IFRD1: variants seen among roughly 807,000 people sequenced by gnomAD.
The protein encoded by IFRD1 is interferon-related developmental regulator 1.
A neutral mutation model predicts 52.9 loss-of-function variants in IFRD1; 35 were observed. That is an observed-to-expected ratio of 0.66 (90% CI 0.51 to 0.88). IFRD1 has a LOEUF of 0.88. Among genes scored for constraint, IFRD1 ranks in the 40% least tolerant of loss-of-function variants. The pLI, the probability that IFRD1 is intolerant of heterozygous loss-of-function variation, is 0.00. For missense variants in IFRD1, 517 were observed against 550.8 expected (o/e 0.94, Z 0.61); for synonymous variants, 184 against 188.4 (o/e 0.98, Z 0.19).
intron 1 of IFRD1, among the ~76,000 whole-genome samples, chr7:112,436,023 C>T (rs1004666879): frequency 1.3e-5 from 2 of 151,930 alleles, no homozygotes; most frequent in Non-Finnish European, 2.9e-5. Context: ...GCTGGGATTA[C>T]AGGCGTGCGC....
chr7:112,451,971 G>A, intron 1 of IFRD1: 1 of 979,626 alleles, frequency 1.0e-6, no homozygotes, highest in Non-Finnish European at 1.2e-6. Context: ...TCAAAAACTC[G>A]TGATCATGTA....
chr7:112,458,157 T>G (rs924642839), intron 4 of IFRD1: 2 of 152,182 alleles, frequency 1.3e-5, no homozygotes, highest in Non-Finnish European at 2.9e-5. Flanking sequence ...AGTTTGCGTA[T>G]TTTTTACATT....
At chr7:112,459,131 G>C in intron 5 of IFRD1, 113 bp downstream of exon 5, 1 of 915,438 alleles carries the variant, frequency 1.1e-6, no homozygotes, top group Non-Finnish European at 1.8e-6. Flanking sequence ...AGAGGATCTT[G>C]TAAGTCCAGG....
At chr7:112,428,474 T>G (rs897467974) in intron 1 of IFRD1, among the ~76,000 whole-genome samples, 1 of 152,080 alleles carries the variant, frequency 6.6e-6, no homozygotes, top group African/African-American at 2.4e-5. Flanking sequence ...GAATGAAGAA[T>G]GAAGAAATAA....
At chr7:112,464,387 T>C (rs912583680) in intron 8 of IFRD1, among the ~76,000 whole-genome samples, 5 of 136,900 alleles carry the variant, frequency 3.7e-5, no homozygotes, top group Non-Finnish European at 8.6e-5. Flanking sequence ...TTATGAGAGT[T>C]CTAGGTTAAT....
intron 11 of IFRD1, among the ~76,000 whole-genome samples, chr7:112,474,853 A>AG: frequency 6.6e-6 from 1 of 152,218 alleles, no homozygotes. Context: ...GGATGAAACA[A>AG]TGTTGATGTC....
chr7:112,434,847 A>G (rs1794633584), intron 1 of IFRD1, among the ~76,000 whole-genome samples: 1 of 152,226 alleles, frequency 6.6e-6, no homozygotes, highest in African/African-American at 2.4e-5. Flanking sequence ...ACACATACAA[A>G]TATTAATATA....
At chr7:112,448,184 A>G (rs1216046744), upstream of IFRD1, among the ~76,000 whole-genome samples, 1 of 151,898 alleles carries the variant, frequency 6.6e-6, no homozygotes, top group East Asian at 1.9e-4. Flanking sequence ...TAAAAAGAGG[A>G]AAAGATTTTT....
At chr7:112,436,867 G>A (rs955778838) in intron 1 of IFRD1, among the ~76,000 whole-genome samples, 11 of 152,188 alleles carry the variant, frequency 7.2e-5, no homozygotes, top group African/African-American at 2.7e-4. Flanking sequence ...TGTTCACCAA[G>A]TTTGGGGAAA....
intron 10 of IFRD1, 33 bp downstream of exon 10, chr7:112,472,380 A>C: frequency 6.2e-7 from 1 of 1,613,246 alleles, no homozygotes; most frequent in Non-Finnish European, 8.5e-7. Context: ...ATTTGCTTTT[A>C]AAGTAGGGAG....
In IFRD1 at chr7:112,450,795, C is replaced by T; in HGVS notation, c.94+13C>T. 1.9e-6 allele frequency: 3 copies of T among 1,596,292 alleles called. No individual in the cohort carries two copies. The highest frequency in any genetic ancestry group is 1.1e-5 in the South Asian group (1 of 90,656). On this transcript the variant is annotated intron_variant, in intron 1 of 11. Transcript: ENST00000403825. ...GCGGCGACAGCAGGTAAGGGGTATCCCCGCCGCCGGCATCCCAGTTGCCGG... is the reference window on the plus strand; with the variant it reads ...GCGGCGACAGCAGGTAAGGGGTATCTCCGCCGCCGGCATCCCAGTTGCCGG...
At chr7:112,473,029 CGTGTGTGTGTGTGTGT>C (rs74273594) in intron 11 of IFRD1, among the ~76,000 whole-genome samples, 168 bp downstream of exon 11, 5 of 115,256 alleles carry the variant, frequency 4.3e-5, no homozygotes, top group African/African-American at 1.6e-4. Flanking sequence ...GTGTGGGGGG[CGTGTGTGTGTGTGTGT>C]GTGTGTGTGT....
intron 8 of IFRD1, among the ~76,000 whole-genome samples, chr7:112,464,167 G>A (rs2117317022): frequency 6.6e-6 from 1 of 151,422 alleles, no homozygotes; most frequent in South Asian, 2.1e-4. Context: ...GGTTCATACA[G>A]CAAATGAGTT....
intron 1 of IFRD1, among the ~76,000 whole-genome samples, chr7:112,432,896 G>A (rs1407391450): frequency 6.6e-6 from 1 of 152,194 alleles, no homozygotes; most frequent in Non-Finnish European, 1.5e-5. Flanking sequence ...TTTAGTCTAA[G>A]GAGTCTTTGA....
chr7:112,458,776 C>T (rs1482385803), intron 4 of IFRD1, 85 bp from the exon 5 acceptor site: 35 of 1,265,968 alleles, frequency 2.8e-5, no homozygotes, highest in Non-Finnish European at 4.0e-5. Flanking sequence ...GCTATTTTGT[C>T]ATTGATCAAA....
rs753028238 is a variant in IFRD1, at chr7:112,476,693, T to C, written c.*1174T>C. 11 of 152,122 alleles carry C rather than the reference T, an allele frequency of 7.2e-5. No individual in the cohort carries two copies. The highest frequency in any genetic ancestry group is 3.9e-4 in the Admixed American group (6 of 15,282). 9.4% of individuals were successfully genotyped at this position (152,122 alleles called of 1,614,324 possible). A position where few individuals can be genotyped will look rare whatever the true frequency, so the allele number is the denominator to read the frequency against. ...TATTGCTGCTTGTTTGCCCATGAGG[T>C]ATATTTCTTTCATTTTATGAAAAGC... is the stretch of plus-strand genomic sequence containing the variant. On this transcript the variant is annotated 3_prime_UTR_variant, in exon 12 of 12. Transcript: ENST00000403825.
intron 9 of IFRD1, 144 bp downstream of exon 9, chr7:112,468,259 A>AT: frequency 1.2e-6 from 1 of 839,830 alleles, no homozygotes; most frequent in Non-Finnish European, 1.9e-6. Flanking sequence ...TTTTAACAAT[A>AT]TAAGTGAAGA....
chr7:112,441,911 T>C (rs1215737678), intron 1 of IFRD1, among the ~76,000 whole-genome samples: 1 of 152,218 alleles, frequency 6.6e-6, no homozygotes, highest in Non-Finnish European at 1.5e-5. Flanking sequence ...GACTATCCAG[T>C]GTTGAAACTA....
At chr7:112,449,187 T>C (rs1429608633), upstream of IFRD1, among the ~76,000 whole-genome samples, 1 of 152,064 alleles carries the variant, frequency 6.6e-6, no homozygotes, top group Non-Finnish European at 1.5e-5. Flanking sequence ...TGCCCAGGCA[T>C]GAACTGAGGT....
Sources: gnomAD v4.1 joint callset for allele counts (sites outside exome capture counted in the v4.1 genomes callset) on GRCh38, gnomAD v4.1.1 for gene constraint, MANE v1.5 for transcripts, NCBI Gene and HGNC (gene_info 2026-07-23, HGNC 2026-07-21) for gene names.